Variants in AGBL4 observed in about 807,000 individuals in gnomAD.
AGBL4 encodes the protein cytosolic carboxypeptidase 6.
A neutral mutation model predicts 66.4 loss-of-function variants in AGBL4; 58 were observed. The observed-to-expected ratio is 0.87, with a 90% CI of 0.71 to 1.09. AGBL4 has a LOEUF of 1.09. Ranked by LOEUF, AGBL4 falls within the 50% of genes least tolerant of loss-of-function variation. The probability of loss-of-function intolerance (pLI) is 0.00; values close to 1 mark genes in which losing one functional copy is unlikely to be tolerated. For missense variants in AGBL4, 579 were observed against 631.0 expected, an observed-to-expected ratio of 0.92 and a Z score of 0.88; for synonymous variants, 234 against 222.9, an observed-to-expected ratio of 1.05 and a Z score of -0.44.
At chr1:49,782,938 T>C (rs929616470) in intron 2 of AGBL4, among the ~76,000 whole-genome samples, 2 of 152,142 alleles carry the variant, frequency 1.3e-5, no homozygotes, top group African/African-American at 4.8e-5. Flanking sequence ...GTCAGTGATA[T>C]TCTGTTATAT....
intron 6 of AGBL4, among the ~76,000 whole-genome samples, chr1:48,832,700 A>G (rs1169197422): frequency 2.6e-5 from 4 of 152,194 alleles, no homozygotes; most frequent in Non-Finnish European, 5.9e-5. Flanking sequence ...GATGAGATTA[A>G]TATTCAATTA....
At chr1:49,525,432 T>C (rs1447223013) in intron 3 of AGBL4, among the ~76,000 whole-genome samples, 1 of 152,042 alleles carries the variant, frequency 6.6e-6, no homozygotes, top group Non-Finnish European at 1.5e-5. Flanking sequence ...GCAAAGGAAC[T>C]AGCCAGGGTA....
intron 4 of AGBL4, among the ~76,000 whole-genome samples, chr1:49,179,204 A>C (rs947625022): frequency 6.6e-6 from 1 of 152,192 alleles, no homozygotes; most frequent in Admixed American, 6.5e-5. Context: ...CACAACCTGA[A>C]TGCAAGTAAC....
intron 6 of AGBL4, among the ~76,000 whole-genome samples, chr1:48,840,897 T>C (rs1023015327): frequency 6.6e-6 from 1 of 152,170 alleles, no homozygotes; most frequent in African/African-American, 2.4e-5. Context: ...CTGTGGCACA[T>C]CTATACAATT....
At chr1:49,580,417 T>C (rs115198948) in intron 3 of AGBL4, among the ~76,000 whole-genome samples, 3,498 of 152,306 alleles carry the variant, frequency 0.023, 147 homozygotes, top group African/African-American at 0.08. Context: ...TGTTTCTATT[T>C]GTGGTGTAGT....
chr1:48,763,853 C>A (rs1476893394), intron 6 of AGBL4, among the ~76,000 whole-genome samples: 1 of 152,154 alleles, frequency 6.6e-6, no homozygotes, highest in African/African-American at 2.4e-5. Context: ...AACTCTCAGG[C>A]CTAGGAATAC....
At chr1:49,541,616 C>G (rs565645596) in intron 3 of AGBL4, among the ~76,000 whole-genome samples, 12 of 152,162 alleles carry the variant, frequency 7.9e-5, no homozygotes, top group South Asian at 2.1e-4. Flanking sequence ...GAGCCTCCCC[C>G]CTGCTGTGGG....
At chr1:49,225,252 T>G (rs1363392829) in intron 4 of AGBL4, among the ~76,000 whole-genome samples, 1 of 152,202 alleles carries the variant, frequency 6.6e-6, no homozygotes, top group East Asian at 1.9e-4. Flanking sequence ...ACTATAACTT[T>G]CTCAAAATCA....
intron 6 of AGBL4, among the ~76,000 whole-genome samples, chr1:48,684,640 G>C (rs1646503058): frequency 6.6e-6 from 1 of 152,164 alleles, no homozygotes; most frequent in South Asian, 2.1e-4. Flanking sequence ...ATTGTGAAAA[G>C]GCAACATGCA....
chr1:48,653,231 G>A (rs750674017), intron 8 of AGBL4, 106 bp downstream of exon 8: 99 of 851,420 alleles, frequency 1.2e-4, no homozygotes, highest in Middle Eastern at 2.9e-4. Flanking sequence ...TGAACTCATG[G>A]GCAGCCTCAA....
chr1:48,994,739 A>G (rs1041423283), intron 5 of AGBL4, among the ~76,000 whole-genome samples: 3 of 152,132 alleles, frequency 2.0e-5, no homozygotes. Flanking sequence ...ATCAAATTCT[A>G]TTTATAGCAT....
chr1:49,842,330 G>C (rs1557503062), intron 2 of AGBL4: 1 of 546,790 alleles, frequency 1.8e-6, no homozygotes, highest in South Asian at 1.7e-5. Context: ...CTCCCTGCTG[G>C]AGCAAGAGGC....
chr1:49,185,537 A>G (rs1647000860), intron 4 of AGBL4, among the ~76,000 whole-genome samples: 1 of 152,214 alleles, frequency 6.6e-6, no homozygotes, highest in Non-Finnish European at 1.5e-5. Flanking sequence ...ATGTGTCTAT[A>G]GAGCTATTTT....
intron 6 of AGBL4, among the ~76,000 whole-genome samples, chr1:48,712,470 G>T (rs897986849): frequency 3.3e-5 from 5 of 152,128 alleles, no homozygotes; most frequent in African/African-American, 1.2e-4. Context: ...ACCTCTCAAT[G>T]TTGTTGTGAA....
intron 2 of AGBL4, among the ~76,000 whole-genome samples, chr1:49,734,088 T>G (rs867429651): frequency 6.6e-6 from 1 of 152,042 alleles, no homozygotes; most frequent in African/African-American, 2.4e-5. Context: ...AATTCAACAC[T>G]CATTCATAAT....
intron 3 of AGBL4, among the ~76,000 whole-genome samples, chr1:49,388,997 T>G (rs952829109): frequency 6.6e-6 from 1 of 152,116 alleles, no homozygotes; most frequent in Non-Finnish European, 1.5e-5. Context: ...TAAAAAATGT[T>G]TAGCGCAAGA....
intron 1 of AGBL4, among the ~76,000 whole-genome samples, chr1:49,913,421 GC>G (rs1651054761): frequency 6.6e-6 from 1 of 152,228 alleles, no homozygotes; most frequent in Non-Finnish European, 1.5e-5. Flanking sequence ...TTGACTACAT[GC>G]CCCACATCCA....
chr1:49,638,712 C>A (rs1430265677), intron 3 of AGBL4, among the ~76,000 whole-genome samples: 1 of 152,190 alleles, frequency 6.6e-6, no homozygotes, highest in Non-Finnish European at 1.5e-5. Context: ...CATGCCTTTG[C>A]TCCTCCTTTG....
At chr1:48,684,490 C>T (rs1646500508) in intron 6 of AGBL4, among the ~76,000 whole-genome samples, 2 of 152,104 alleles carry the variant, frequency 1.3e-5, no homozygotes, top group Non-Finnish European at 2.9e-5. Context: ...AGCTTTGCCT[C>T]AATTGTGGTT....
Sources: gnomAD v4.1 joint callset for allele counts (sites outside exome capture counted in the v4.1 genomes callset) on GRCh38, gnomAD v4.1.1 for gene constraint, MANE v1.5 for transcripts, NCBI Gene and HGNC (gene_info 2026-07-23, HGNC 2026-07-21) for gene names.